Variants in NLRP12 observed in about 807,000 individuals in gnomAD.
NLRP12 encodes NLR family pyrin domain containing 12, also known as NACHT, LRR and PYD domains-containing protein 12.
A neutral mutation model predicts 91.2 loss-of-function variants in NLRP12; 108 were observed. The observed-to-expected ratio is 1.18, with a 90% CI of 1.01 to 1.39. NLRP12 has a LOEUF of 1.39. Among genes scored for constraint, NLRP12 ranks in the 40% most tolerant of loss-of-function variants. The pLI, the probability that NLRP12 is intolerant of heterozygous loss-of-function variation, is 0.00. For missense variants in NLRP12, 1,530 were observed against 1,352.7 expected (o/e 1.13, Z -2.06); for synonymous variants, 613 against 566.7 (o/e 1.08, Z -1.16).
chr19:53,814,242 G>A (rs976322129), intron 2 of NLRP12, among the ~76,000 whole-genome samples: 6 of 152,138 alleles, frequency 3.9e-5, no homozygotes, highest in African/African-American at 7.2e-5. Context: ...GAGTAACCTC[G>A]TTCCCCTCTG....
Position 53,810,912 on chromosome 19 carries a change from G to T in NLRP12, c.747C>A (p.Tyr249Ter). 6.2e-7 allele frequency: 1 copy of T among 1,614,158 alleles called. No individual in the cohort carries two copies. The highest frequency in any genetic ancestry group is 8.5e-7 in the Non-Finnish European group (1 of 1,180,038). ...TCTGGTTCATCTCCCTGCAGTTGAT[G>T]TAGAAGAGATAATCAAATCTGCCTT... ...LFQGRFDYLFYINCREMNQSA... is the reference protein window; with the variant it reads ...LFQGRFDYLF Residue 249 changes from tyrosine to a stop codon, truncating the protein, a stop_gained, in exon 3 of 10, where the codon TAC becomes TAA. Transcript: ENST00000324134. LOFTEE classifies it high-confidence loss of function.
intron 3 of NLRP12, 95 bp downstream of exon 3, chr19:53,809,492 G>A: frequency 7.9e-7 from 1 of 1,266,256 alleles, no homozygotes; most frequent in Non-Finnish European, 1.1e-6. Flanking sequence ...GGTCACGCCA[G>A]TGTACTCCAG....
chr19:53,794,861 C>G (rs9783958), intron 9 of NLRP12, among the ~76,000 whole-genome samples: 82,133 of 151,270 alleles, frequency 0.54, 22,661 homozygotes, highest in South Asian at 0.63. Flanking sequence ...CCGCTCCCAG[C>G]CGTAAGTTTT....
intron 7 of NLRP12, 30 bp from the exon 8 acceptor site, chr19:53,798,443 G>A (rs772222332): frequency 6.2e-7 from 1 of 1,605,780 alleles, no homozygotes; most frequent in East Asian, 2.3e-5. Context: ...GGGCGGAGTG[G>A]GAGGCATTCC....
chr19:53,819,619 G>A (rs1366598201), intron 1 of NLRP12, among the ~76,000 whole-genome samples: 1 of 21,654 alleles, frequency 4.6e-5, no homozygotes, highest in South Asian at 1.3e-3. Flanking sequence ...GTATGTATAC[G>A]TATATACGCG....
chr19:53,818,468 C>T (rs1374870257), intron 1 of NLRP12, among the ~76,000 whole-genome samples: 1 of 151,856 alleles, frequency 6.6e-6, no homozygotes, highest in Non-Finnish European at 1.5e-5. Context: ...GAGATTGAGA[C>T]CATCCTGGCT....
rs576842685 is a variant in NLRP12, at chr19:53,805,140, A to G, written c.2414+140T>C. 66 of 852,002 alleles carry G rather than the reference A, an allele frequency of 7.7e-5. No individual in the cohort carries two copies. In the African/African-American group the frequency reaches 1.1e-3, roughly 14 times the overall value. 52.8% of individuals were successfully genotyped at this position (852,002 alleles called of 1,614,324 possible). ...AGGTCTTCCAAAGTGCCTAGAGTCC[A>G]GGGCCAGGGTCTTAGGTCATGGGGT... On this transcript the variant is annotated intron_variant, in intron 5 of 9. Coordinates refer to ENST00000324134, the MANE Select transcript of NLRP12 (RefSeq NM_144687.4).
chr19:53,823,448 AAATATATATTTT>A (rs2092294881), intron 1 of NLRP12, among the ~76,000 whole-genome samples: 1 of 52,050 alleles, frequency 1.9e-5, no homozygotes, highest in East Asian at 3.3e-4. Context: ...TATATGTTTT[AAATATATATTTT>A]AAATATATAT....
Position 53,814,559 on chromosome 19 carries a change from C to T in NLRP12, c.370+349G>A, listed in dbSNP as rs187840858. 9.2e-5 allele frequency among the ~76,000 whole-genome samples: 14 copies of T among 152,148 alleles called. No homozygotes were observed. In the East Asian group the frequency reaches 1.7e-3, roughly 19 times the overall value. ...AGAGACGGGGTTTTGCCATGTTGTC[C>T]GGGCTGGTCTTGAACTCCTGACCTC... On this transcript the variant is annotated intron_variant, in intron 2 of 9. Coordinates refer to ENST00000324134, the MANE Select transcript of NLRP12 (RefSeq NM_144687.4).
At chr19:53,802,936 A>G (rs1371557857) in intron 6 of NLRP12, among the ~76,000 whole-genome samples, 2 of 152,040 alleles carry the variant, frequency 1.3e-5, no homozygotes, top group South Asian at 2.1e-4. Flanking sequence ...TTTTTTGTAG[A>G]GATGAAGTCT....
chr19:53,796,091 G>T, intron 8 of NLRP12, 62 bp from the exon 9 acceptor site: 1 of 1,502,100 alleles, frequency 6.7e-7, no homozygotes, highest in South Asian at 1.1e-5. Flanking sequence ...TTCGGAGGCA[G>T]TGTCTCACCC....
intron 1 of NLRP12, among the ~76,000 whole-genome samples, chr19:53,822,604 G>A (rs2092276480): frequency 6.6e-6 from 1 of 151,890 alleles, no homozygotes; most frequent in African/African-American, 2.4e-5. Flanking sequence ...CAGGCATGGT[G>A]GCAGGTACCT....
chr19:53,805,025 G>C (rs754252590), intron 5 of NLRP12, among the ~76,000 whole-genome samples: 4 of 151,976 alleles, frequency 2.6e-5, no homozygotes, highest in African/African-American at 9.7e-5. Flanking sequence ...GCAAGACCCC[G>C]TCTCGGGAGA....
intron 7 of NLRP12, among the ~76,000 whole-genome samples, chr19:53,800,961 A>G (rs538612747): frequency 6.6e-6 from 1 of 152,034 alleles, no homozygotes; most frequent in African/African-American, 2.4e-5. Flanking sequence ...TTGGGAGGCC[A>G]AGGCAGGCAG....
rs145627650 is a variant in NLRP12, at chr19:53,814,286, A to G, written c.370+622T>C. ...TGCTCTGAGAATGGGCAGATTCCCC[A>G]GTACTGACCAGTGGGTTACGTGGAT... is the stretch of plus-strand genomic sequence containing the variant. On this transcript the variant is annotated intron_variant, in intron 2 of 9. Transcript: ENST00000324134. 9.9e-4 allele frequency among the ~76,000 whole-genome samples: 151 copies of G among 152,280 alleles called. 1 individual carries two copies. Among genetic ancestry groups the G allele is most frequent in the African/African-American group, 3.6e-3 (148 of 41,572 alleles).
chr19:53,819,449 ATATATATATGTG>A (rs1260040174), intron 1 of NLRP12, among the ~76,000 whole-genome samples: 6 of 14,076 alleles, frequency 4.3e-4, no homozygotes, highest in African/African-American at 6.6e-4. Context: ...ATATATATAT[ATATATATATGTG>A]TGTGTGTGTG....
chr19:53,805,525 T>TG, intron 4 of NLRP12, 75 bp from the exon 5 acceptor site: 16 of 1,533,508 alleles, frequency 1.0e-5, no homozygotes, highest in Non-Finnish European at 1.3e-5. Flanking sequence ...CTTTTGCTTT[T>TG]TTTTTTTTTT....
intron 6 of NLRP12, among the ~76,000 whole-genome samples, chr19:53,803,111 G>A (rs951899557): frequency 1.3e-5 from 2 of 152,088 alleles, no homozygotes; most frequent in African/African-American, 4.8e-5. Context: ...TGGACACAGA[G>A]GGCTGACTGT....
In NLRP12 at chr19:53,807,348, G is replaced by A. The variant is rs550638615; in HGVS notation, c.2243+147C>T. The stretch of plus-strand genomic sequence containing the variant: ...CTGTCAACATACTGGGATTACAGAC[G>A]TGAGCCACGGCACCTGGCTTTGTGA... On this transcript the variant is annotated intron_variant, in intron 4 of 9. Transcript: ENST00000324134. 1.5e-4 allele frequency: 114 copies of A among 759,574 alleles called. No homozygotes were observed. In the East Asian group the frequency reaches 2.0e-3, roughly 14 times the overall value. The allele number at this position is 759,574 out of a possible 1,614,324, so 47.1% of individuals were successfully genotyped here. A position where few individuals can be genotyped will look rare whatever the true frequency, so the allele number is the denominator to read the frequency against.
Sources: allele counts gnomAD v4.1 joint callset (sites outside exome capture counted in the v4.1 genomes callset), GRCh38; gene constraint gnomAD v4.1.1; transcripts MANE v1.5; gene names NCBI Gene and HGNC (gene_info 2026-07-23, HGNC 2026-07-21).